The following POLR2F variants were observed in gnomAD, a reference collection of about 807,000 sequenced individuals.
The protein encoded by POLR2F is RNA polymerase II, I and III subunit F, also known as DNA-directed RNA polymerases I, II, and III subunit RPABC2.
POLR2F carries 12 observed loss-of-function variants against 22.7 expected under a neutral mutation model. The observed-to-expected ratio is 0.53, with a 90% CI of 0.34 to 0.86. The LOEUF (loss-of-function observed/expected upper bound fraction) is 0.86, where lower values mean the gene tolerates loss of function less well. Ranked by LOEUF, POLR2F falls within the 40% of genes least tolerant of loss-of-function variation. POLR2F has a pLI of 0.02. For missense variants in POLR2F, 126 were observed against 171.5 expected, an observed-to-expected ratio of 0.73 and a Z score of 1.48; for synonymous variants, 57 against 66.0, an observed-to-expected ratio of 0.86 and a Z score of 0.66.
In POLR2F at chr22:37,974,957, G is replaced by C. The variant is rs1033214575; in HGVS notation, c.293+7787G>C. On this transcript the variant is annotated intron_variant, in intron 4 of 4. Coordinates refer to the POLR2F transcript ENST00000405557. This position sits in a 1 kb window ranked among gnomAD's most constrained non-coding sequence, Gnocchi z 5.4. ...GCTCCCTGTCCTGGCCTCATGTTGT[G>C]TCCTTTCCAACCCTTCCCTCCTCCT... 6.6e-6 allele frequency among the ~76,000 whole-genome samples: 1 copy of C among 152,092 alleles called. No individual in the cohort carries two copies. Among genetic ancestry groups the C allele is most frequent in the Non-Finnish European group, 1.5e-5 (1 of 68,026 alleles).
At position 37,968,806 on chromosome 22, in the gene POLR2F, T is replaced by C. The variant is rs982757386; in HGVS notation, c.*1091T>C. 2.0e-6 allele frequency: 2 copies of C among 985,522 alleles called. No homozygotes were observed. The highest frequency in any genetic ancestry group is 3.5e-5 in the African/African-American group (2 of 57,364). The allele number at this position is 985,522 out of a possible 1,614,324, so 61.0% of individuals were successfully genotyped here. ...CTGCAGGAGGCAGGGCCTCCAGGCC[T>C]AGGTGCAGCCTGGCCCTGGGATGGG... On this transcript the variant is annotated 3_prime_UTR_variant, in exon 5 of 5. Transcript: ENST00000442738.
chr22:38,037,439 ATTTTT>A (rs10624395), intron 5 of POLR2F, among the ~76,000 whole-genome samples: 10 of 124,180 alleles, frequency 8.1e-5, no homozygotes, highest in African/African-American at 3.2e-4. Flanking sequence ...ATGCTCGGCT[ATTTTT>A]TTTTTTTTTT....
chr22:37,999,726 G>A (rs1366096086), intron 1 of POLR2F, among the ~76,000 whole-genome samples: 1 of 152,146 alleles, frequency 6.6e-6, no homozygotes, highest in Non-Finnish European at 1.5e-5. Context: ...CCTGTGACCT[G>A]GGCAGAGCTC....
At chr22:38,038,409 G>A (rs568114077) in intron 5 of POLR2F, among the ~76,000 whole-genome samples, 14 of 152,172 alleles carry the variant, frequency 9.2e-5, no homozygotes, top group Non-Finnish European at 2.1e-4. Flanking sequence ...CCATGGCTCT[G>A]GCCGGGTCAC....
intron 3 of POLR2F, among the ~76,000 whole-genome samples, chr22:37,961,012 CT>C (rs1931619538): frequency 6.6e-6 from 1 of 151,716 alleles, no homozygotes; most frequent in African/African-American, 2.4e-5. Context: ...CAACGCCTGG[CT>C]AATTTTTTTG....
chr22:37,973,971 G>A, downstream of POLR2F: 2 of 1,612,146 alleles, frequency 1.2e-6, no homozygotes, highest in Non-Finnish European at 1.7e-6. Context: ...CTGCTCACAT[G>A]GCCTGGGTGC....
intron 1 of POLR2F, among the ~76,000 whole-genome samples, chr22:37,956,406 T>TA (rs1407895057): frequency 1.3e-5 from 2 of 151,974 alleles, no homozygotes; most frequent in Non-Finnish European, 2.9e-5. Flanking sequence ...TCTGAATTTT[T>TA]TTTTTTTTTA....
At chr22:38,033,656 G>A (rs936108475) in intron 5 of POLR2F, among the ~76,000 whole-genome samples, 3 of 152,246 alleles carry the variant, frequency 2.0e-5, no homozygotes, top group Admixed American at 1.3e-4. Context: ...GAGCGGGAGG[G>A]ACTGGGTGGC....
At chr22:37,981,625 T>C (rs1003063105), upstream of POLR2F, among the ~76,000 whole-genome samples, 1 of 152,166 alleles carries the variant, frequency 6.6e-6, no homozygotes. Flanking sequence ...CTCGTTGGGC[T>C]CGTACTGTGG....
At chr22:37,953,689 G>T (rs1405490574), upstream of POLR2F, 1 of 1,441,082 alleles carries the variant, frequency 6.9e-7, no homozygotes, top group African/African-American at 1.4e-5. Flanking sequence ...TTACGGCGCA[G>T]GCGCAAGATA....
At chr22:38,030,926 G>A (rs895703072), downstream of POLR2F, among the ~76,000 whole-genome samples, 3 of 152,160 alleles carry the variant, frequency 2.0e-5, no homozygotes, top group African/African-American at 4.8e-5. Context: ...CCAGTAGGGG[G>A]TGGGAAAGGC....
rs543798380 is a variant in POLR2F at position 38,017,699 on chromosome 22, T to A, written c.121-8170T>A. Reference sequence around the variant, plus strand: ...CTGCAACTTCCTGTAGGTCTCTCTGTAGCACCAGCCAAGAAGTCACCCGCC... The same window carrying A: ...CTGCAACTTCCTGTAGGTCTCTCTGAAGCACCAGCCAAGAAGTCACCCGCC... On this transcript the variant is annotated intron_variant, in intron 1 of 2. Coordinates refer to the POLR2F transcript ENST00000333418. The surrounding 1 kb of genome is among the most constrained non-coding windows in gnomAD (Gnocchi z 4.1). 2.2e-4 allele frequency among the ~76,000 whole-genome samples: 34 copies of A among 152,262 alleles called. No individual in the cohort carries two copies. The highest frequency in any genetic ancestry group is 4.1e-4 in the Non-Finnish European group (28 of 68,016).
upstream of POLR2F, chr22:37,983,849 G>A (rs1245373150): frequency 2.1e-5 from 28 of 1,304,194 alleles, no homozygotes; most frequent in South Asian, 3.2e-5. This position sits in a 1 kb window ranked among gnomAD's most constrained non-coding sequence, Gnocchi z 9.5. Context: ...CGGGGTCCTC[G>A]CAAAGAGTCC....
At chr22:38,003,945 A>G (rs943902475) in intron 1 of POLR2F, among the ~76,000 whole-genome samples, 24 of 151,988 alleles carry the variant, frequency 1.6e-4, no homozygotes, top group Non-Finnish European at 3.5e-4. Context: ...TGGGGAAGGG[A>G]GGGAGGTGCT....
intron 4 of POLR2F, among the ~76,000 whole-genome samples, chr22:37,979,305 C>G (rs1376746059): frequency 6.6e-6 from 1 of 152,068 alleles, no homozygotes; most frequent in Non-Finnish European, 1.5e-5. Context: ...ACCATATTGG[C>G]CAGGCTGGTC....
downstream of POLR2F, chr22:38,041,383 C>T (rs2085170758): frequency 4.7e-6 from 2 of 427,802 alleles, no homozygotes; most frequent in Non-Finnish European, 8.4e-6. Flanking sequence ...GTTGGGATGT[C>T]TGGAGTCTAG....
At chr22:38,020,259 A>T (rs774059670) in intron 1 of POLR2F, among the ~76,000 whole-genome samples, 1 of 151,498 alleles carries the variant, frequency 6.6e-6, no homozygotes, top group Non-Finnish European at 1.5e-5. Flanking sequence ...ACACATATAT[A>T]TACATATTTA....
At chr22:38,011,439 G>A (rs1416227754) in intron 1 of POLR2F, among the ~76,000 whole-genome samples, 2 of 150,850 alleles carry the variant, frequency 1.3e-5, no homozygotes, top group Non-Finnish European at 3.0e-5. Context: ...TTAAAAATAT[G>A]TTGTCAGATA....
chr22:37,998,306 C>T (rs1196661581), intron 1 of POLR2F, among the ~76,000 whole-genome samples: 2 of 152,242 alleles, frequency 1.3e-5, no homozygotes, highest in Non-Finnish European at 2.9e-5. Context: ...GCCTCCAGTC[C>T]GTGTTAACTC....
Sources: gnomAD v4.1 joint callset for allele counts (sites outside exome capture counted in the v4.1 genomes callset) on GRCh38, gnomAD v4.1.1 for gene constraint, Gnocchi (gnomAD v3.1) non-coding constraint, MANE v1.5 for transcripts, NCBI Gene and HGNC (gene_info 2026-07-23, HGNC 2026-07-21) for gene names.